The following FBXW8 variants were observed in gnomAD, a reference collection of about 807,000 sequenced individuals.
FBXW8 encodes F-box/WD repeat-containing protein 8.
Under a neutral mutation model 65.3 loss-of-function variants are expected in FBXW8, and 57 were observed. The observed-to-expected ratio is 0.87, with a 90% CI of 0.71 to 1.09. FBXW8 has a LOEUF of 1.09. Among genes scored for constraint, FBXW8 ranks in the 50% least tolerant of loss-of-function variants. The pLI, the probability that FBXW8 is intolerant of heterozygous loss-of-function variation, is 0.00. For synonymous variants in FBXW8, 308 were observed against 330.2 expected, an observed-to-expected ratio of 0.93 and a Z score of 0.73; for missense variants, 777 against 814.8, an observed-to-expected ratio of 0.95 and a Z score of 0.57.
intron 3 of FBXW8, among the ~76,000 whole-genome samples, chr12:116,946,751 T>A (rs1329100515): frequency 6.6e-6 from 1 of 151,968 alleles, no homozygotes; most frequent in Non-Finnish European, 1.5e-5. Flanking sequence ...CCCCAGTCCC[T>A]CTTGCCCGTG....
intron 1 of FBXW8, among the ~76,000 whole-genome samples, chr12:116,923,473 G>T (rs1202340031): frequency 6.6e-6 from 1 of 151,944 alleles, no homozygotes; most frequent in Non-Finnish European, 1.5e-5. Context: ...AATAAATTTG[G>T]CCAGTCTCAC....
At chr12:116,978,231 T>TTA (rs1885079158) in intron 5 of FBXW8, 1 of 152,210 alleles carries the variant, frequency 6.6e-6, no homozygotes, top group Non-Finnish European at 1.5e-5. Context: ...TAGCTGTTCT[T>TTA]TATGACCCTT....
At chr12:116,976,001 A>G (rs968621181) in intron 5 of FBXW8, among the ~76,000 whole-genome samples, 3 of 152,274 alleles carry the variant, frequency 2.0e-5, no homozygotes, top group African/African-American at 7.2e-5. Flanking sequence ...CCTGGCTTCC[A>G]TCATTCTGCT....
chr12:116,922,786 T>G (rs1186830223), intron 1 of FBXW8, among the ~76,000 whole-genome samples: 2 of 152,056 alleles, frequency 1.3e-5, no homozygotes, highest in African/African-American at 4.8e-5. Context: ...ATAAGTAATA[T>G]GACCCCTTTG....
At chr12:116,994,611 A>G (rs1953333965) in intron 7 of FBXW8, among the ~76,000 whole-genome samples, 1 of 152,232 alleles carries the variant, frequency 6.6e-6, no homozygotes, top group Admixed American at 6.5e-5. Context: ...ACTTTAAACA[A>G]TGAGAATAGT....
intron 2 of FBXW8, among the ~76,000 whole-genome samples, chr12:116,938,684 T>C (rs1437454863): frequency 6.6e-6 from 1 of 152,262 alleles, no homozygotes. Flanking sequence ...ACAGAATGTT[T>C]AGTTTGAGAT....
chr12:116,933,829 T>C (rs767423151), intron 2 of FBXW8, among the ~76,000 whole-genome samples: 12 of 152,234 alleles, frequency 7.9e-5, no homozygotes, highest in Non-Finnish European at 1.5e-4. Context: ...CACTTTCATT[T>C]GTTTCTTGGG....
intron 7 of FBXW8, among the ~76,000 whole-genome samples, chr12:117,009,175 C>A (rs1261722566): frequency 2.6e-5 from 4 of 152,110 alleles, no homozygotes; most frequent in Admixed American, 6.6e-5. Context: ...AGTTTGAGAC[C>A]CGGCTGGGCA....
At chr12:116,914,540 T>C (rs1593029657) in intron 1 of FBXW8, among the ~76,000 whole-genome samples, 2 of 122,358 alleles carry the variant, frequency 1.6e-5, no homozygotes, top group Admixed American at 2.2e-4. Context: ...ACCACTGCAC[T>C]CCGGCCTAGG....
At chr12:116,916,254 A>G (rs1457837364) in intron 1 of FBXW8, among the ~76,000 whole-genome samples, 2 of 152,176 alleles carry the variant, frequency 1.3e-5, no homozygotes, top group African/African-American at 4.8e-5. Flanking sequence ...TAAGGTATGC[A>G]TAGATTAGCC....
At chr12:116,944,373 A>C (rs1014889126) in intron 2 of FBXW8, among the ~76,000 whole-genome samples, 6 of 152,174 alleles carry the variant, frequency 3.9e-5, no homozygotes, top group Admixed American at 3.9e-4. Context: ...CCCTTTGTGC[A>C]GTAAGAATCT....
chr12:116,918,263 A>C lies in FBXW8; in HGVS notation c.318+6908A>C, dbSNP rs1230878303. On this transcript the variant is annotated intron_variant, in intron 1 of 10. Transcript: ENST00000652555. ...TTCTTGGAGATAGTGGATATACCTG[A>C]GTATAATTGCAAGTGTGCTGCTTTC... 3.3e-5 allele frequency among the ~76,000 whole-genome samples: 5 copies of C among 152,208 alleles called. No individual in the cohort carries two copies. In the East Asian group the frequency reaches 9.6e-4, roughly 29 times the overall value.
chr12:116,979,325 C>G (rs773960452), intron 5 of FBXW8: 2 of 152,262 alleles, frequency 1.3e-5, no homozygotes, highest in Admixed American at 1.3e-4. Context: ...GCATGGGTGC[C>G]CATCCACAGC....
intron 7 of FBXW8, among the ~76,000 whole-genome samples, chr12:116,999,216 G>A (rs1953450752): frequency 6.6e-6 from 1 of 152,240 alleles, no homozygotes; most frequent in Non-Finnish European, 1.5e-5. Context: ...AAGGGACTCA[G>A]GAAGAGCCAT....
chr12:117,020,028 G>A (rs971562765), intron 8 of FBXW8, among the ~76,000 whole-genome samples: 33 of 152,174 alleles, frequency 2.2e-4, no homozygotes, highest in African/African-American at 6.5e-4. Context: ...AATGCTGAGC[G>A]TTCTCTGGGG....
chr12:116,970,382 G>C (rs1171060271), intron 5 of FBXW8, among the ~76,000 whole-genome samples: 1 of 152,130 alleles, frequency 6.6e-6, no homozygotes, highest in South Asian at 2.1e-4. Context: ...ATCCACCTCC[G>C]CAACACTCCC....
chr12:116,924,868 C>T (rs933338328), intron 1 of FBXW8, among the ~76,000 whole-genome samples: 1 of 152,154 alleles, frequency 6.6e-6, no homozygotes, highest in Non-Finnish European at 1.5e-5. Flanking sequence ...TAATAACAAA[C>T]TGAAGTTGAT....
In FBXW8 at chr12:116,989,148, TAA is replaced by T. The variant is rs1953174737; in HGVS notation, c.1239+283_1239+284del. Among the ~76,000 whole-genome samples, 4 of 152,360 alleles carry T rather than the reference TAA, an allele frequency of 2.6e-5. 1 individual carries two copies. In the South Asian group the frequency reaches 8.3e-4, roughly 32 times the overall value. On this transcript the variant is annotated intron_variant, in intron 7 of 10. Transcript: ENST00000652555. ...TGCATATATAGGTACATTTGTATACTAAAAACATATTGTTGTAGAGATGGGAT... is the reference window on the plus strand; with the variant it reads ...TGCATATATAGGTACATTTGTATACTAAACATATTGTTGTAGAGATGGGAT...
intron 2 of FBXW8, among the ~76,000 whole-genome samples, chr12:116,944,286 T>A (rs943402444): frequency 2.6e-5 from 4 of 152,232 alleles, no homozygotes; most frequent in Admixed American, 2.6e-4. Flanking sequence ...ACTGCTGTTA[T>A]GGAGGAGCAG....
Sources: allele counts gnomAD v4.1 joint callset (sites outside exome capture counted in the v4.1 genomes callset), GRCh38; gene constraint gnomAD v4.1.1; transcripts MANE v1.5; gene names NCBI Gene and HGNC (gene_info 2026-07-23, HGNC 2026-07-21).